FAM13A: variants seen among roughly 807,000 people sequenced by gnomAD.
FAM13A encodes family with sequence similarity 13 member A.
In FAM13A, 76 loss-of-function variants were observed where a neutral mutation model predicts 129.6. The observed-to-expected ratio is 0.59, with a 90% CI of 0.49 to 0.71. The LOEUF is 0.71. FAM13A is among the 30% of genes least tolerant of loss of function. FAM13A has a pLI of 0.00. For synonymous variants in FAM13A, 443 were observed against 449.9 expected, an observed-to-expected ratio of 0.98 and a Z score of 0.20; for missense variants, 1,108 against 1,249.3, an observed-to-expected ratio of 0.89 and a Z score of 1.70.
intron 4 of FAM13A, among the ~76,000 whole-genome samples, chr4:88,947,271 C>T (rs564591560): frequency 6.6e-6 from 1 of 152,122 alleles, no homozygotes; most frequent in African/African-American, 2.4e-5. Context: ...CTTAGTCGGG[C>T]GTGGTAGTGT....
intron 7 of FAM13A, among the ~76,000 whole-genome samples, chr4:88,833,722 C>T (rs923119793): frequency 4.6e-5 from 7 of 151,904 alleles, no homozygotes; most frequent in Admixed American, 2.0e-4. Flanking sequence ...CCCATCTCCA[C>T]TAAAAATACA....
chr4:88,809,918 A>G (rs1229223516), intron 7 of FAM13A, among the ~76,000 whole-genome samples: 6 of 150,374 alleles, frequency 4.0e-5, no homozygotes, highest in African/African-American at 1.5e-4. Flanking sequence ...GGATCAGTTC[A>G]TAACTGTTTG....
chr4:88,788,415 T>C (rs538658370), intron 9 of FAM13A, among the ~76,000 whole-genome samples: 3 of 152,254 alleles, frequency 2.0e-5, no homozygotes, highest in East Asian at 3.9e-4. Flanking sequence ...CAAAATTATA[T>C]GAAAATAATG....
intron 3 of FAM13A, among the ~76,000 whole-genome samples, chr4:89,016,994 ACTGCCT>A (rs1420980734): frequency 6.6e-6 from 1 of 152,174 alleles, no homozygotes; most frequent in Non-Finnish European, 1.5e-5. Context: ...CTGCATTACA[ACTGCCT>A]ACAGTATTCA....
At chr4:88,956,859 C>A (rs534729899) in intron 4 of FAM13A, among the ~76,000 whole-genome samples, 12 of 152,252 alleles carry the variant, frequency 7.9e-5, no homozygotes, top group African/African-American at 2.2e-4. Context: ...GCTTATAATA[C>A]AGTTTGGATT....
intron 4 of FAM13A, among the ~76,000 whole-genome samples, chr4:88,954,958 A>G (rs78952727): frequency 0.023 from 3,467 of 152,028 alleles, 52 homozygotes; most frequent in Middle Eastern, 0.038. Flanking sequence ...TCCCACCACC[A>G]GCATTTCCCT....
intron 2 of FAM13A, 52 bp from the exon 3 acceptor site, chr4:89,020,721 A>G: frequency 8.4e-7 from 1 of 1,186,480 alleles, no homozygotes; most frequent in South Asian, 1.2e-5. Flanking sequence ...ACAGACATGA[A>G]ACGTAAAGAA....
At chr4:88,742,043 A>C (rs914216414) in intron 19 of FAM13A, among the ~76,000 whole-genome samples, 11 of 152,220 alleles carry the variant, frequency 7.2e-5, no homozygotes, top group Non-Finnish European at 1.0e-4. Context: ...CACGTGACAC[A>C]TGGTGAAATA....
chr4:88,729,330 C>T (rs559768438), intron 23 of FAM13A: 1 of 152,302 alleles, frequency 6.6e-6, no homozygotes, highest in African/African-American at 2.4e-5. Flanking sequence ...CATGATGAAA[C>T]CAGCACAGGA....
chr4:88,897,285 T>C (rs1225280041), intron 6 of FAM13A, among the ~76,000 whole-genome samples: 2 of 152,246 alleles, frequency 1.3e-5, no homozygotes, highest in African/African-American at 4.8e-5. Flanking sequence ...GTATTGGTCA[T>C]GGAATAGCTA....
At chr4:88,951,620 A>G (rs1229572431) in intron 4 of FAM13A, among the ~76,000 whole-genome samples, 4 of 152,194 alleles carry the variant, frequency 2.6e-5, no homozygotes, top group African/African-American at 9.7e-5. Context: ...GGTCCAAGAC[A>G]TAACAATACA....
At chr4:88,858,596 A>G (rs1348798885) in intron 6 of FAM13A, among the ~76,000 whole-genome samples, 1 of 152,226 alleles carries the variant, frequency 6.6e-6, no homozygotes, top group South Asian at 2.1e-4. Flanking sequence ...TAGAGCATAG[A>G]TGAATCCTGA....
At chr4:88,870,485 C>T (rs372761398) in intron 6 of FAM13A, among the ~76,000 whole-genome samples, 6 of 152,198 alleles carry the variant, frequency 3.9e-5, no homozygotes, top group African/African-American at 1.2e-4. Flanking sequence ...GATTATACCC[C>T]GCGCCTGGCT....
chr4:88,748,252 ATTC>A (rs1741806047), intron 17 of FAM13A, among the ~76,000 whole-genome samples: 1 of 152,200 alleles, frequency 6.6e-6, no homozygotes, highest in African/African-American at 2.4e-5. Flanking sequence ...TCAATAACTT[ATTC>A]TTTTTTCAGA....
chr4:88,880,412 G>A (rs1743322837), intron 6 of FAM13A, among the ~76,000 whole-genome samples: 1 of 152,148 alleles, frequency 6.6e-6, no homozygotes, highest in Non-Finnish European at 1.5e-5. Context: ...AGTAGAGGAA[G>A]CAGCAGGAAG....
chr4:89,053,794 A>G (rs1771892103), intron 1 of FAM13A, among the ~76,000 whole-genome samples: 1 of 152,166 alleles, frequency 6.6e-6, no homozygotes, highest in Non-Finnish European at 1.5e-5. Context: ...GAATCTACAC[A>G]TGCATTTCAA....
At chr4:88,869,665 A>T (rs1579039669) in intron 6 of FAM13A, among the ~76,000 whole-genome samples, 2 of 152,360 alleles carry the variant, frequency 1.3e-5, no homozygotes, top group South Asian at 4.1e-4. Flanking sequence ...ATGTTAGTTT[A>T]TATTGCTTGC....
chr4:88,998,830 T>C (rs566890922), intron 3 of FAM13A, among the ~76,000 whole-genome samples: 4 of 152,328 alleles, frequency 2.6e-5, no homozygotes, highest in Non-Finnish European at 4.4e-5. Context: ...GAGAAGCTTA[T>C]ATAGGCAACA....
chr4:88,986,243 C>T (rs1357804949), intron 4 of FAM13A, among the ~76,000 whole-genome samples: 1 of 151,984 alleles, frequency 6.6e-6, no homozygotes, highest in Non-Finnish European at 1.5e-5. Flanking sequence ...AAGTGACTCT[C>T]ATGCCTCAGC....
Sources: allele counts gnomAD v4.1 joint callset (sites outside exome capture counted in the v4.1 genomes callset), GRCh38; gene constraint gnomAD v4.1.1; transcripts MANE v1.5; gene names NCBI Gene and HGNC (gene_info 2026-07-23, HGNC 2026-07-21).